The following SIPA1L3 variants were observed in gnomAD, a reference collection of about 807,000 sequenced individuals.
SIPA1L3 encodes the protein signal induced proliferation associated 1 like 3, also known as signal-induced proliferation-associated 1-like protein 3.
SIPA1L3 carries 59 observed loss-of-function variants against 150.1 expected under a neutral mutation model. That is an observed-to-expected ratio of 0.39 (90% CI 0.32 to 0.49). The LOEUF (loss-of-function observed/expected upper bound fraction) is 0.49, where lower values mean the gene tolerates loss of function less well. SIPA1L3 is among the 20% of genes least tolerant of loss of function. The pLI, the probability that SIPA1L3 is intolerant of heterozygous loss-of-function variation, is 0.86. For missense variants in SIPA1L3, 2,211 were observed against 2,489.5 expected, an observed-to-expected ratio of 0.89 and a Z score of 2.38; for synonymous variants, 1,070 against 1,077.6, an observed-to-expected ratio of 0.99 and a Z score of 0.14.
chr19:38,105,540 A>G (rs1285400714), intron 6 of SIPA1L3, among the ~76,000 whole-genome samples: 2 of 152,082 alleles, frequency 1.3e-5, no homozygotes, highest in African/African-American at 2.4e-5. Context: ...CCTCCCTCCT[A>G]TTAGAGAGAA....
intron 15 of SIPA1L3, among the ~76,000 whole-genome samples, chr19:38,175,083 A>G (rs940807722): frequency 1.3e-5 from 2 of 151,834 alleles, no homozygotes; most frequent in Non-Finnish European, 2.9e-5. Flanking sequence ...CTTATCCCCC[A>G]CTAGCTACAT....
At chr19:38,048,180 G>C (rs1307433210) in intron 2 of SIPA1L3, among the ~76,000 whole-genome samples, 1 of 152,142 alleles carries the variant, frequency 6.6e-6, no homozygotes, top group Non-Finnish European at 1.5e-5. Flanking sequence ...GCTGCTTTGT[G>C]GTTCTCAGTC....
chr19:38,195,809 C>T lies in SIPA1L3; in HGVS notation c.4840+2029C>T, dbSNP rs1215528612. Reference sequence around the variant, plus strand: ...CAGGCCCCGTCCCCCCCCGCCCCCCCGGGTTTCTCTCACCCCCCTCCGTCC... The same window carrying T: ...CAGGCCCCGTCCCCCCCCGCCCCCCTGGGTTTCTCTCACCCCCCTCCGTCC... On this transcript the variant is annotated intron_variant, in intron 18 of 21. Coordinates refer to ENST00000222345, the MANE Select transcript of SIPA1L3 (RefSeq NM_015073.3). Among the ~76,000 whole-genome samples, 5 of 131,124 alleles carry T rather than the reference C, an allele frequency of 3.8e-5. 1 individual carries two copies. The highest frequency in any genetic ancestry group is 1.5e-4 in the African/African-American group (5 of 34,136). 86.0% of individuals were successfully genotyped at this position (131,124 alleles called of 152,430 possible).
At chr19:37,990,414 C>CG (rs564019548) in intron 1 of SIPA1L3, among the ~76,000 whole-genome samples, 137 of 152,270 alleles carry the variant, frequency 9.0e-4, no homozygotes, top group African/African-American at 2.9e-3. Context: ...GTGAGACAGG[C>CG]GGGGTCGTGG....
At chr19:38,204,999 A>T (rs1973175883) in intron 21 of SIPA1L3, among the ~76,000 whole-genome samples, 1 of 152,246 alleles carries the variant, frequency 6.6e-6, no homozygotes, top group South Asian at 2.1e-4. Context: ...CTATATATTT[A>T]CTAACACGCA....
At chr19:38,147,416 T>C (rs1394245435) in intron 12 of SIPA1L3, among the ~76,000 whole-genome samples, 1 of 152,190 alleles carries the variant, frequency 6.6e-6, no homozygotes. Flanking sequence ...ATTATTATTT[T>C]ATGGATCAGG....
intron 10 of SIPA1L3, among the ~76,000 whole-genome samples, chr19:38,132,784 A>T (rs1971343866): frequency 6.6e-6 from 1 of 151,032 alleles, no homozygotes; most frequent in Non-Finnish European, 1.5e-5. Flanking sequence ...AGTAGCTGGG[A>T]TTACAGGCAT....
intron 10 of SIPA1L3, among the ~76,000 whole-genome samples, chr19:38,134,219 T>C (rs1484666342): frequency 2.0e-5 from 3 of 149,980 alleles, no homozygotes; most frequent in Admixed American, 6.7e-5. Flanking sequence ...CCTGACCTCA[T>C]GTGATCTGCC....
intron 4 of SIPA1L3, among the ~76,000 whole-genome samples, chr19:38,090,007 A>G (rs1433457528): frequency 1.3e-5 from 2 of 151,916 alleles, no homozygotes; most frequent in African/African-American, 4.8e-5. Flanking sequence ...GGGCTGCTCA[A>G]ATCTACTTCT....
At chr19:38,071,535 C>T (rs1374375468) in intron 2 of SIPA1L3, among the ~76,000 whole-genome samples, 3 of 152,166 alleles carry the variant, frequency 2.0e-5, no homozygotes, top group Admixed American at 6.5e-5. Flanking sequence ...TTGATTCGCC[C>T]ACCTCGGCCT....
At position 37,998,924 on chromosome 19, in the gene SIPA1L3, C is replaced by T. The variant is rs112050691; in HGVS notation, c.-378-30165C>T. Among the ~76,000 whole-genome samples, 401 of 151,794 alleles carry T rather than the reference C, an allele frequency of 2.6e-3. 1 individual carries two copies. Among genetic ancestry groups the T allele is most frequent in the African/African-American group, 9.4e-3 (387 of 41,384 alleles). ...TTTGGGTACAAGGGAGTTCATTGTA[C>T]CTTACTCCCTACTTTTTTTTAGCAT... On this transcript the variant is annotated intron_variant, in intron 1 of 21. Coordinates refer to ENST00000222345, the MANE Select transcript of SIPA1L3 (RefSeq NM_015073.3).
At chr19:37,949,647 G>A (rs2046743880) in intron 1 of SIPA1L3, among the ~76,000 whole-genome samples, 1 of 151,424 alleles carries the variant, frequency 6.6e-6, no homozygotes, top group Non-Finnish European at 1.5e-5. Context: ...CCTGGGAGAC[G>A]AGAGAAACTC....
At position 38,103,442 on chromosome 19, in the gene SIPA1L3, C is replaced by T. The variant is rs531329500; in HGVS notation, c.2029+2216C>T. On this transcript the variant is annotated intron_variant, in intron 6 of 21. Coordinates refer to ENST00000222345, the MANE Select transcript of SIPA1L3 (RefSeq NM_015073.3). ...AGGAGTTCGAGACCAGCCTGGCCAA[C>T]GTAGTGAAACCCCGTCTCTACTAAA... Among the ~76,000 whole-genome samples, 133 of 151,972 alleles carry T rather than the reference C, an allele frequency of 8.8e-4. 1 individual carries two copies. Among genetic ancestry groups the T allele is most frequent in the African/African-American group, 2.8e-3 (116 of 41,448 alleles).
intron 1 of SIPA1L3, among the ~76,000 whole-genome samples, chr19:38,016,477 T>C (rs1968234473): frequency 6.6e-6 from 1 of 152,124 alleles, no homozygotes; most frequent in African/African-American, 2.4e-5. Flanking sequence ...CATACACACA[T>C]ATAGGTATAC....
In SIPA1L3 at chr19:38,119,435, G is replaced by T. The variant is rs757293883; in HGVS notation, c.2421G>T (p.Ala807=). 6.2e-7 allele frequency: 1 copy of T among 1,614,088 alleles called. No homozygotes were observed. The highest frequency in any genetic ancestry group is 1.1e-5 in the South Asian group (1 of 91,080). The part of the protein sequence containing the change: ...LAKVINAENA[A]HKSDKFHTMA... ...AGGTGATTAACGCTGAGAACGCCGC[G>T]CACAAGTCCGACAAGTTCCACACCA... The change falls in exon 9 of 22, where the codon GCG becomes GCT. Residue 807 remains alanine (A), a synonymous_variant. Transcript: ENST00000222345.
chr19:38,151,961 C>CAAAAAA (rs35851181), intron 12 of SIPA1L3, among the ~76,000 whole-genome samples: 3 of 86,130 alleles, frequency 3.5e-5, no homozygotes, highest in East Asian at 3.3e-4. Context: ...GACCCCATCT[C>CAAAAAA]AAAAAAAAAA....
At chr19:38,062,353 C>T (rs1969464099) in intron 2 of SIPA1L3, among the ~76,000 whole-genome samples, 1 of 152,154 alleles carries the variant, frequency 6.6e-6, no homozygotes, top group South Asian at 2.1e-4. Context: ...GGGTTCAAGT[C>T]CCTCTTCTGC....
At chr19:38,192,015 G>A (rs562627587) in intron 16 of SIPA1L3, 130 bp from the exon 17 acceptor site, 21 of 794,934 alleles carry the variant, frequency 2.6e-5, no homozygotes, top group South Asian at 2.4e-4. Context: ...TCTGCCACGC[G>A]TTTGCTGGGT....
At chr19:37,994,761 C>T (rs1221605721) in intron 1 of SIPA1L3, among the ~76,000 whole-genome samples, 1 of 152,138 alleles carries the variant, frequency 6.6e-6, no homozygotes, top group East Asian at 1.9e-4. Flanking sequence ...GGCATTGAAC[C>T]CTCCCTCTAC....
Sources: allele counts gnomAD v4.1 joint callset (sites outside exome capture counted in the v4.1 genomes callset), GRCh38; gene constraint gnomAD v4.1.1; transcripts MANE v1.5; gene names NCBI Gene and HGNC (gene_info 2026-07-23, HGNC 2026-07-21).